Variants in CCND1 observed in about 807,000 individuals in gnomAD.
CCND1 encodes the protein cyclin D1, also known as G1/S-specific cyclin-D1.
In CCND1, 9 loss-of-function variants were observed where a neutral mutation model predicts 26.1. The ratio of observed to expected loss-of-function variants is 0.35; its 90% confidence interval spans 0.21 to 0.60. The LOEUF (loss-of-function observed/expected upper bound fraction) is 0.60. CCND1 is among the 20% of genes least tolerant of loss of function. The probability of loss-of-function intolerance (pLI) is 0.79; values close to 1 mark genes in which losing one functional copy is unlikely to be tolerated. For missense variants in CCND1, 335 were observed against 392.9 expected (o/e 0.85, Z 1.25); for synonymous variants, 194 against 166.1 (o/e 1.17, Z -1.29).
At position 69,643,244 on chromosome 11, in the gene CCND1, C is replaced by A; in HGVS notation, c.412C>A (p.Leu138Met). The A allele has an allele frequency of 6.4e-7, 1 of 1,569,038 alleles. No individual in the cohort carries two copies. The highest frequency in any genetic ancestry group is 2.3e-5 in the East Asian group (1 of 42,628). Reference sequence around the variant, plus strand: ...CAACTCCATCCGGCCCGAGGAGCTGCTGGTAACCACTGGACCCCGCCGCCC... The same window carrying A: ...CAACTCCATCCGGCCCGAGGAGCTGATGGTAACCACTGGACCCCGCCGCCC... Reference protein sequence around the residue: ...TDNSIRPEELLQMELLLVNKL... With the variant: ...TDNSIRPEELMQMELLLVNKL... Residue 138 changes from leucine to methionine, a missense_variant and splice_region_variant, in exon 2 of 5, where the codon CTG (leucine) becomes ATG (methionine). Transcript: ENST00000227507.
chr11:69,654,178 C>T lies in CCND1; in HGVS notation c.*2896C>T, dbSNP rs758200830. ...CTTACCTCAACCATCCTGGCTGCGG[C>T]GTCTGTCTGAACCACGCGGGGGCCT... On this transcript the variant is annotated 3_prime_UTR_variant, in exon 5 of 5. Transcript: ENST00000227507. This position sits in a 1 kb window ranked among gnomAD's most constrained non-coding sequence, Gnocchi z 6.3. 6 of 680,332 alleles carry T rather than the reference C, an allele frequency of 8.8e-6. No homozygotes were observed. The highest frequency in any genetic ancestry group is 2.4e-4 in the Middle Eastern group (1 of 4,130). 42.1% of individuals were successfully genotyped at this position (680,332 alleles called of 1,614,324 possible). A position where few individuals can be genotyped will look rare whatever the true frequency, so the allele number is the denominator to read the frequency against.
At chr11:69,646,017 A>G (rs1041315966) in intron 3 of CCND1, among the ~76,000 whole-genome samples, 3 of 152,094 alleles carry the variant, frequency 2.0e-5, no homozygotes, top group Non-Finnish European at 4.4e-5. Context: ...TTGGTGTCTA[A>G]TTCTGGGTGG....
chr11:69,651,238 G>T lies in CCND1; in HGVS notation c.844G>T (p.Asp282Tyr). 1.3e-6 allele frequency: 2 copies of T among 1,594,116 alleles called. No homozygotes were observed. The highest frequency in any genetic ancestry group is 1.7e-6 in the Non-Finnish European group (2 of 1,168,626). The change falls in exon 5 of 5, where the codon GAC (aspartate) becomes TAC (tyrosine). Residue 282 changes from aspartate (D) to tyrosine (Y), a missense_variant. Physicochemically the swap from Asp to Tyr is radical, Grantham distance 160. Transcript: ENST00000227507. ...GGAGGAAGAGGAGGAGGAGGAGGTGGACCTGGCTTGCACACCCACCGACGT... is the reference window on the plus strand; with the variant it reads ...GGAGGAAGAGGAGGAGGAGGAGGTGTACCTGGCTTGCACACCCACCGACGT... ...EEEEEEEEEV[D>Y]LACTPTDVRD...
intron 3 of CCND1, among the ~76,000 whole-genome samples, chr11:69,644,394 C>G (rs1402320368): frequency 6.6e-6 from 1 of 152,210 alleles, no homozygotes; most frequent in Non-Finnish European, 1.5e-5. Context: ...CTGCAGAGGC[C>G]CCCTCCTGGC....
Position 69,648,999 on chromosome 11 carries a change from C to T in CCND1, c.723+857C>T, listed in dbSNP as rs181644781. Among the ~76,000 whole-genome samples the T allele has an allele frequency of 1.1e-4, 16 of 152,302 alleles. No homozygotes were observed. The East Asian group carries it at 2.9e-3, about 28-fold the overall frequency. ...GCGGCTGCCCAGCCCATGTGTGTCT[C>T]GGAAGAGGAAGAAGCTTTTTTGCCG... On this transcript the variant is annotated intron_variant, in intron 4 of 4. Transcript: ENST00000227507.
chr11:69,651,361 C>T lies in CCND1; in HGVS notation c.*79C>T. 1 of 1,205,610 alleles carries T rather than the reference C, an allele frequency of 8.3e-7. No homozygotes were observed. The highest frequency in any genetic ancestry group is 1.1e-6 in the Non-Finnish European group (1 of 915,212). The allele number at this position is 1,205,610 out of a possible 1,614,324, so 74.7% of individuals were successfully genotyped here. ...CCAGGTGCTCCCCTGACAGTCCCTC[C>T]TCTCCGGAGCATTTTGATACCAGAA... On this transcript the variant is annotated 3_prime_UTR_variant, in exon 5 of 5. Transcript: ENST00000227507.
Position 69,651,226 on chromosome 11 carries a change from G to C in CCND1, c.832G>C (p.Glu278Gln), listed in dbSNP as rs2120120727. The C allele has an allele frequency of 6.2e-7, 1 of 1,602,496 alleles. No homozygotes were observed. The highest frequency in any genetic ancestry group is 8.5e-7 in the Non-Finnish European group (1 of 1,173,304). The change falls in exon 5 of 5, where the codon GAG (glutamate) becomes CAG (glutamine). Residue 278 changes from glutamate to glutamine, a missense_variant. Glu to Gln is a conservative substitution (Grantham distance 29). Transcript: ENST00000227507. Reference sequence around the variant, plus strand: ...GGCCGCCGAGGAGGAGGAAGAGGAGGAGGAGGAGGTGGACCTGGCTTGCAC... The same window carrying C: ...GGCCGCCGAGGAGGAGGAAGAGGAGCAGGAGGAGGTGGACCTGGCTTGCAC... The part of the protein sequence containing the change: ...PKAAEEEEEE[E>Q]EEVDLACTPT...
rs1855894696 is a variant in CCND1 at position 69,654,104 on chromosome 11, T to C, written c.*2822T>C. On this transcript the variant is annotated 3_prime_UTR_variant, in exon 5 of 5. Transcript: ENST00000227507. The surrounding 1 kb of genome is among the most constrained non-coding windows in gnomAD (Gnocchi z 6.3). ...AGGGTCATCCTGTGCTCGGAGGCCA[T>C]CTCGGGCACAGGCCCACCCCGCCCC... 2 of 654,522 alleles carry C rather than the reference T, an allele frequency of 3.1e-6. No individual in the cohort carries two copies. Among genetic ancestry groups the C allele is most frequent in the East Asian group, 5.4e-5 (2 of 36,890 alleles). 40.5% of individuals were successfully genotyped at this position (654,522 alleles called of 1,614,324 possible).
chr11:69,648,751 G>A (rs374826411), intron 4 of CCND1, among the ~76,000 whole-genome samples: 79 of 152,312 alleles, frequency 5.2e-4, no homozygotes, highest in African/African-American at 1.5e-3. Flanking sequence ...AGAGGTGGCC[G>A]GGTCAGCCGC....
intron 3 of CCND1, among the ~76,000 whole-genome samples, chr11:69,646,744 C>T (rs112215272): frequency 2.6e-5 from 4 of 152,320 alleles, no homozygotes; most frequent in African/African-American, 9.6e-5. Context: ...CCACGGTAGG[C>T]GCATGACTGC....
At position 69,647,842 on chromosome 11, in the gene CCND1, G is replaced by T. The variant is rs1219254390; in HGVS notation, c.575-152G>T. The T allele has an allele frequency of 3.7e-6, 3 of 803,884 alleles. No homozygotes were observed. In the African/African-American group the frequency reaches 5.2e-5, roughly 14 times the overall value. The allele number at this position is 803,884 out of a possible 1,614,324, so 49.8% of individuals were successfully genotyped here. On this transcript the variant is annotated intron_variant, in intron 3 of 4. Transcript: ENST00000227507. ...GAGTGCCCAGGGATGGCTGGAGGCT[G>T]AGGAGGGCCTGGATGTGGAGCCTCA...
At chr11:69,647,926 C>A (rs2120108039) in intron 3 of CCND1, 68 bp from the exon 4 acceptor site, 1 of 1,575,662 alleles carries the variant, frequency 6.3e-7, no homozygotes, top group Non-Finnish European at 8.6e-7. Flanking sequence ...CACAGGGATG[C>A]CCGGATCACG....
chr11:69,647,868 G>A, intron 3 of CCND1, 126 bp from the exon 4 acceptor site: 1 of 1,065,594 alleles, frequency 9.4e-7, no homozygotes, highest in Non-Finnish European at 1.4e-6. Context: ...TGGAGCCTCA[G>A]ATACCGAGTG....
In CCND1 at chr11:69,654,116, G is replaced by GCCCCCCCCCC; in HGVS notation, c.*2837_*2838insCCCCCCCCCC. 4 of 651,430 alleles carry GCCCCCCCCCC rather than the reference G, an allele frequency of 6.1e-6. No homozygotes were observed. Among genetic ancestry groups the GCCCCCCCCCC allele is most frequent in the Admixed American group, 2.1e-5 (1 of 47,718 alleles). 40.4% of individuals were successfully genotyped at this position (651,430 alleles called of 1,614,324 possible). A position where few individuals can be genotyped will look rare whatever the true frequency, so the allele number is the denominator to read the frequency against. ...TGCTCGGAGGCCATCTCGGGCACAG[G>GCCCCCCCCCC]CCCACCCCGCCCCACCCCTCCAGAA... On this transcript the variant is annotated 3_prime_UTR_variant, in exon 5 of 5. Transcript: ENST00000227507. The surrounding 1 kb of genome is among the most constrained non-coding windows in gnomAD (Gnocchi z 6.3).
rs2120080193 is a variant in CCND1 at position 69,641,376 on chromosome 11, C to T, written c.63C>T (p.Asn21=). 9 of 1,613,426 alleles carry T rather than the reference C, an allele frequency of 5.6e-6. No homozygotes were observed. The highest frequency in any genetic ancestry group is 6.8e-6 in the Non-Finnish European group (8 of 1,180,022). ...ETIRRAYPDA[N]LLNDRVLRAM... ...TCCGCCGCGCGTACCCCGATGCCAA[C>T]CTCCTCAACGACCGGGTGCTGCGGG... Residue 21 remains asparagine, a synonymous_variant, in exon 1 of 5, where the codon AAC becomes AAT. Transcript: ENST00000227507.
Position 69,652,753 on chromosome 11 carries a change from A to G in CCND1, c.*1471A>G, listed in dbSNP as rs1297304182. 1.8e-5 allele frequency: 4 copies of G among 225,858 alleles called. No homozygotes were observed. The highest frequency in any genetic ancestry group is 6.2e-5 in the Admixed American group (1 of 16,164). 14.0% of individuals were successfully genotyped at this position (225,858 alleles called of 1,614,324 possible). ...AAGGCCAGTATGATTTATAAATGCA[A>G]TCTCCCCTTGATTTAAACACACAGA... On this transcript the variant is annotated 3_prime_UTR_variant, in exon 5 of 5. Transcript: ENST00000227507.
At position 69,653,407 on chromosome 11, in the gene CCND1, G is replaced by A. The variant is rs545565093; in HGVS notation, c.*2125G>A. On this transcript the variant is annotated 3_prime_UTR_variant, in exon 5 of 5. Transcript: ENST00000227507. ...TCTCTTAGAACATTGTATTACAGAT[G>A]CCTTTTTTGTAGTTTTTTTTTTTTT... 2.9e-5 allele frequency: 18 copies of A among 628,812 alleles called. No individual in the cohort carries two copies. The African/African-American group carries it at 3.2e-4, about 11-fold the overall frequency. 39.0% of individuals were successfully genotyped at this position (628,812 alleles called of 1,614,324 possible). A position where few individuals can be genotyped will look rare whatever the true frequency, so the allele number is the denominator to read the frequency against.
chr11:69,641,714 A>T lies in CCND1; in HGVS notation c.198+203A>T, dbSNP rs919341498. Among the ~76,000 whole-genome samples the T allele has an allele frequency of 2.7e-5, 4 of 150,252 alleles. No individual in the cohort carries two copies. In the East Asian group the frequency reaches 7.9e-4, roughly 30 times the overall value. On this transcript the variant is annotated intron_variant, in intron 1 of 4. Transcript: ENST00000227507. ...GGGTGGGGGTGGGGGTGCTAGAAGT[A>T]GCGTTTCGTGGGAGGGGAGAAGGGG...
Position 69,653,390 on chromosome 11 carries a change from A to AACAT in CCND1, c.*2109_*2112dup. 1.5e-6 allele frequency: 1 copy of AACAT among 681,796 alleles called. No homozygotes were observed. Among genetic ancestry groups the AACAT allele is most frequent in the Admixed American group, 2.2e-5 (1 of 44,616 alleles). 42.2% of individuals were successfully genotyped at this position (681,796 alleles called of 1,614,324 possible). On this transcript the variant is annotated 3_prime_UTR_variant, in exon 5 of 5. Coordinates refer to ENST00000227507, the MANE Select transcript of CCND1 (RefSeq NM_053056.3). ...TGTACTAGTTTTAGTTTTCTCTTAG[A>AACAT]ACATTGTATTACAGATGCCTTTTTT...
Sources: allele counts gnomAD v4.1 joint callset (sites outside exome capture counted in the v4.1 genomes callset), GRCh38; gene constraint gnomAD v4.1.1; non-coding constraint Gnocchi (gnomAD v3.1); transcripts MANE v1.5; gene names NCBI Gene and HGNC (gene_info 2026-07-23, HGNC 2026-07-21).